The following TRAPPC9 variants were observed in gnomAD, a reference collection of about 807,000 sequenced individuals.
TRAPPC9 encodes the protein trafficking protein particle complex subunit 9, also known as IKK2 binding protein.
Under a neutral mutation model 124.0 loss-of-function variants are expected in TRAPPC9, and 83 were observed. That is an observed-to-expected ratio of 0.67 (90% CI 0.56 to 0.80). The LOEUF (loss-of-function observed/expected upper bound fraction) is 0.80, where lower values mean the gene tolerates loss of function less well. Ranked by LOEUF, TRAPPC9 falls within the 30% of genes least tolerant of loss-of-function variation. The pLI, the probability that TRAPPC9 is intolerant of heterozygous loss-of-function variation, is 0.00. For missense variants in TRAPPC9, 1,302 were observed against 1,508.3 expected (o/e 0.86, Z 2.27); for synonymous variants, 638 against 617.5 (o/e 1.03, Z -0.49).
At chr8:140,243,527 A>G (rs1028963020) in intron 16 of TRAPPC9, among the ~76,000 whole-genome samples, 6 of 152,238 alleles carry the variant, frequency 3.9e-5, no homozygotes, top group African/African-American at 1.4e-4. Flanking sequence ...GGAGAGCCCT[A>G]TGATACAGAT....
At position 139,925,815 on chromosome 8, in the gene TRAPPC9, GCACACGCACACGCACA is replaced by G. The variant is rs1176709337; in HGVS notation, c.2811-15531_2811-15516del. On this transcript the variant is annotated intron_variant, in intron 19 of 22. Transcript: ENST00000438773. ...GTTTGACTACCCAGCACACGCACAC[GCACACGCACACGCACA>G]CACACACACACACACGTTTCAGATT... Among the ~76,000 whole-genome samples, 34 of 93,494 alleles carry G rather than the reference GCACACGCACACGCACA, an allele frequency of 3.6e-4. No individual in the cohort carries two copies. In the East Asian group the frequency reaches 8.7e-3, roughly 24 times the overall value. The allele number at this position is 93,494 out of a possible 152,430, so 61.3% of individuals were successfully genotyped here.
chr8:140,124,989 G>T (rs1028918856), intron 17 of TRAPPC9, among the ~76,000 whole-genome samples: 7 of 152,224 alleles, frequency 4.6e-5, no homozygotes, highest in African/African-American at 1.7e-4. Flanking sequence ...GATAAAAATT[G>T]CAGGGTGTCA....
rs974759873 is a variant in TRAPPC9 at position 140,182,943 on chromosome 8, C to G, written c.2556+38516G>C. On this transcript the variant is annotated intron_variant, in intron 17 of 22. Transcript: ENST00000438773. The surrounding 1 kb of genome is among the most constrained non-coding windows in gnomAD (Gnocchi z 4.0). Reference sequence around the variant, plus strand: ...AGTTTGTCTGTATCACTATAATCAGCTTCCTATTACCTTCCAAAATAAACT... The same window carrying G: ...AGTTTGTCTGTATCACTATAATCAGGTTCCTATTACCTTCCAAAATAAACT... Among the ~76,000 whole-genome samples, 6 of 152,128 alleles carry G rather than the reference C, an allele frequency of 3.9e-5. No individual in the cohort carries two copies. The highest frequency in any genetic ancestry group is 1.4e-4 in the African/African-American group (6 of 41,420).
At chr8:140,005,197 C>T (rs1838669644) in intron 18 of TRAPPC9, among the ~76,000 whole-genome samples, 2 of 152,144 alleles carry the variant, frequency 1.3e-5, no homozygotes, top group African/African-American at 4.8e-5. Context: ...GTTTCTGAAA[C>T]ATAGCACACC....
chr8:140,190,889 A>G (rs555508745), intron 17 of TRAPPC9, among the ~76,000 whole-genome samples: 6 of 152,326 alleles, frequency 3.9e-5, no homozygotes, highest in African/African-American at 1.4e-4. Context: ...GGAGGACTAC[A>G]GCGTGTTTTT....
intron 9 of TRAPPC9, among the ~76,000 whole-genome samples, chr8:140,336,003 T>C (rs1032043573): frequency 9.2e-5 from 14 of 152,114 alleles, no homozygotes; most frequent in African/African-American, 1.2e-4. Flanking sequence ...CCACCGCACC[T>C]GGCCAACAAT....
At chr8:139,993,870 T>C (rs1406814002) in intron 18 of TRAPPC9, among the ~76,000 whole-genome samples, 3 of 152,194 alleles carry the variant, frequency 2.0e-5, no homozygotes, top group Non-Finnish European at 4.4e-5. Context: ...AGAGTAGTCA[T>C]TCATGCTAAG....
chr8:140,000,781 G>A (rs1838338370), intron 18 of TRAPPC9, among the ~76,000 whole-genome samples: 1 of 150,764 alleles, frequency 6.6e-6, no homozygotes. Context: ...TACACTGTTG[G>A]TGGGAGCGTA....
chr8:140,410,727 C>T (rs540218970), intron 5 of TRAPPC9, among the ~76,000 whole-genome samples: 10 of 151,796 alleles, frequency 6.6e-5, no homozygotes, highest in Admixed American at 6.6e-4. Flanking sequence ...CCTGTAGTCC[C>T]AGCTACTCGG....
intron 12 of TRAPPC9, among the ~76,000 whole-genome samples, chr8:140,289,052 G>A (rs2065570822): frequency 6.6e-6 from 1 of 152,232 alleles, no homozygotes; most frequent in South Asian, 2.1e-4. Context: ...ACCCTCTGGA[G>A]AAGTGCTGGA....
intron 9 of TRAPPC9, among the ~76,000 whole-genome samples, chr8:140,329,714 C>T (rs6578097): frequency 6.6e-5 from 10 of 151,492 alleles, no homozygotes; most frequent in Non-Finnish European, 1.3e-4. Flanking sequence ...GTGCTCATTT[C>T]GGAATCTAAG....
intron 4 of TRAPPC9, among the ~76,000 whole-genome samples, chr8:140,433,930 G>C (rs11985298): frequency 6.6e-6 from 1 of 152,304 alleles, no homozygotes; most frequent in Non-Finnish European, 1.5e-5. Context: ...CTGGCTGTCC[G>C]GAACCACTCA....
At chr8:139,988,514 C>T (rs1300910129) in intron 19 of TRAPPC9, among the ~76,000 whole-genome samples, 2 of 152,180 alleles carry the variant, frequency 1.3e-5, no homozygotes, top group African/African-American at 4.8e-5. Context: ...TCCTCAGACG[C>T]CATCCGGCTT....
chr8:140,351,358 T>C (rs1290749592), intron 9 of TRAPPC9, among the ~76,000 whole-genome samples: 4 of 146,282 alleles, frequency 2.7e-5, no homozygotes, highest in Non-Finnish European at 5.9e-5. Flanking sequence ...AAATTGCATC[T>C]GTGCTGAACG....
chr8:140,272,356 A>AGTGGTGGTTGTGCT (rs749391419), intron 15 of TRAPPC9, among the ~76,000 whole-genome samples: 1 of 104,528 alleles, frequency 9.6e-6, no homozygotes, highest in Non-Finnish European at 1.8e-5. Context: ...CAGTGGAGAG[A>AGTGGTGGTTGTGCT]GTGGTGGTAG....
rs189484164 is a variant in TRAPPC9, at chr8:139,773,684, G to A, written c.3056-41482C>T. 4.7e-3 allele frequency among the ~76,000 whole-genome samples: 716 copies of A among 152,094 alleles called. 8 individuals carry two copies. Among genetic ancestry groups the A allele is most frequent in the Non-Finnish European group, 3.7e-3 (250 of 67,980 alleles). On this transcript the variant is annotated intron_variant, in intron 21 of 22. Transcript: ENST00000438773. Reference sequence around the variant, plus strand: ...CCTGCCTCAAAGTCCCTCACCACCCGCTCACTCCAGCCGGCAGCAAAACCA... The same window carrying A: ...CCTGCCTCAAAGTCCCTCACCACCCACTCACTCCAGCCGGCAGCAAAACCA...
chr8:139,782,895 C>T (rs1821932075), intron 21 of TRAPPC9, among the ~76,000 whole-genome samples: 1 of 152,150 alleles, frequency 6.6e-6, no homozygotes, highest in African/African-American at 2.4e-5. Flanking sequence ...CAGAAAAATA[C>T]ATGGAAAATT....
At chr8:140,157,357 T>TTTTCCATTCAAAAGCCTCCC in intron 17 of TRAPPC9, among the ~76,000 whole-genome samples, 2 of 98,156 alleles carry the variant, frequency 2.0e-5, no homozygotes, top group Admixed American at 1.1e-4. Flanking sequence ...GAAGCCTCCC[T>TTTTCCATTCAAAAGCCTCCC]TTTCCATTCA....
At chr8:140,393,910 C>A (rs1001216604) in intron 7 of TRAPPC9, among the ~76,000 whole-genome samples, 2 of 152,204 alleles carry the variant, frequency 1.3e-5, no homozygotes, top group Non-Finnish European at 2.9e-5. Flanking sequence ...AGCCAAGCGT[C>A]GTGCTGGGGA....
Sources: gnomAD v4.1 joint callset for allele counts (sites outside exome capture counted in the v4.1 genomes callset) on GRCh38, gnomAD v4.1.1 for gene constraint, Gnocchi (gnomAD v3.1) non-coding constraint, MANE v1.5 for transcripts, NCBI Gene and HGNC (gene_info 2026-07-23, HGNC 2026-07-21) for gene names.